RBFOX1: variants seen among roughly 807,000 people sequenced by gnomAD.
RBFOX1 encodes the protein RNA binding fox-1 homolog 1.
RBFOX1 carries 8 observed loss-of-function variants against 57.7 expected under a neutral mutation model. The observed-to-expected ratio is 0.14, with a 90% confidence interval of 0.08 to 0.25. RBFOX1 has a LOEUF of 0.25. RBFOX1 is among the 10% of genes least tolerant of loss of function. RBFOX1 has a pLI of 1.00. For missense variants in RBFOX1, 611 were observed against 548.5 expected (o/e 1.11, Z -1.14); for synonymous variants, 326 against 222.4 (o/e 1.47, Z -4.15).
chr16:7,212,895 A>T (rs576515148), intron 4 of RBFOX1, among the ~76,000 whole-genome samples: 1 of 152,292 alleles, frequency 6.6e-6, no homozygotes, highest in Admixed American at 6.5e-5. Context: ...GGTGTTGATG[A>T]AGGCAATAGT....
intron 4 of RBFOX1, among the ~76,000 whole-genome samples, chr16:7,263,001 G>C (rs1172903529): frequency 6.6e-6 from 1 of 152,206 alleles, no homozygotes; most frequent in Non-Finnish European, 1.5e-5. Flanking sequence ...TGATAGGAAA[G>C]GAGTTTGTGC....
intron 1 of RBFOX1, among the ~76,000 whole-genome samples, chr16:6,252,500 C>A (rs1436251606): frequency 6.6e-6 from 1 of 151,704 alleles, no homozygotes; most frequent in African/African-American, 2.4e-5. Context: ...CTGTTCAGTT[C>A]TGTAATTGAG....
intron 3 of RBFOX1, among the ~76,000 whole-genome samples, chr16:7,047,190 C>G (rs2048282239): frequency 6.6e-6 from 1 of 152,012 alleles, no homozygotes; most frequent in Admixed American, 6.6e-5. Context: ...TTCAGGTATC[C>G]TATTTCCTTT....
chr16:6,216,286 A>C (rs1337733847), intron 1 of RBFOX1, among the ~76,000 whole-genome samples: 1 of 152,138 alleles, frequency 6.6e-6, no homozygotes, highest in Non-Finnish European at 1.5e-5. Flanking sequence ...GTAAAATAAA[A>C]GTATAAAAAC....
intron 4 of RBFOX1, among the ~76,000 whole-genome samples, chr16:5,922,264 C>T (rs945040627): frequency 6.6e-6 from 1 of 152,184 alleles, no homozygotes; most frequent in African/African-American, 2.4e-5. Flanking sequence ...AGGGATCCAT[C>T]CCCATGATTC....
intron 3 of RBFOX1, among the ~76,000 whole-genome samples, chr16:5,613,868 C>G (rs1427494970): frequency 6.6e-6 from 1 of 151,942 alleles, no homozygotes; most frequent in Non-Finnish European, 1.5e-5. Flanking sequence ...ATAGAAGTCC[C>G]TCTTTCTTCT....
chr16:6,305,914 G>A (rs2079455969), intron 1 of RBFOX1, among the ~76,000 whole-genome samples: 1 of 152,056 alleles, frequency 6.6e-6, no homozygotes, highest in Non-Finnish European at 1.5e-5. Context: ...TGGACATGAG[G>A]TAGGTAGGAA....
intron 3 of RBFOX1, among the ~76,000 whole-genome samples, chr16:6,733,604 A>G (rs568533197): frequency 1.3e-5 from 2 of 152,322 alleles, no homozygotes; most frequent in Admixed American, 1.3e-4. Context: ...AGATCCTTAC[A>G]GGAAGTAGCC....
intron 2 of RBFOX1, among the ~76,000 whole-genome samples, chr16:6,610,588 C>T (rs923352689): frequency 5.9e-5 from 9 of 152,108 alleles, no homozygotes; most frequent in Admixed American, 2.0e-4. Flanking sequence ...CCTTAGCCTC[C>T]CGAAATGCTG....
intron 6 of RBFOX1, among the ~76,000 whole-genome samples, chr16:7,580,809 A>G (rs995733116): frequency 2.0e-5 from 3 of 152,202 alleles, no homozygotes; most frequent in African/African-American, 7.2e-5. Flanking sequence ...GATGTAGCCA[A>G]TTTGCCCATG....
intron 1 of RBFOX1, among the ~76,000 whole-genome samples, chr16:6,088,420 C>G (rs1269771325): frequency 2.0e-5 from 3 of 152,118 alleles, no homozygotes. Flanking sequence ...AATTTTCTAG[C>G]TGAATTTTTC....
chr16:7,276,985 C>T (rs558973912), intron 4 of RBFOX1, among the ~76,000 whole-genome samples: 25 of 152,214 alleles, frequency 1.6e-4, no homozygotes, highest in Admixed American at 1.3e-3. Flanking sequence ...TGCAGCAAAT[C>T]GTAGATGGTA....
intron 3 of RBFOX1, among the ~76,000 whole-genome samples, chr16:5,666,808 G>A (rs1051888915): frequency 2.0e-5 from 3 of 152,220 alleles, no homozygotes; most frequent in African/African-American, 4.8e-5. Context: ...TAGTAGAGAT[G>A]TGACTTTTGT....
intron 3 of RBFOX1, among the ~76,000 whole-genome samples, chr16:6,899,211 G>C (rs1319053099): frequency 6.8e-6 from 1 of 147,944 alleles, no homozygotes; most frequent in Non-Finnish European, 1.5e-5. Flanking sequence ...GTGTGTATAT[G>C]TGTGTGTATG....
At chr16:7,662,513 T>G (rs545073290) in intron 12 of RBFOX1, among the ~76,000 whole-genome samples, 1 of 152,278 alleles carries the variant, frequency 6.6e-6, no homozygotes, top group East Asian at 1.9e-4. Flanking sequence ...ATTCACCCAG[T>G]TATTGTCCAT....
chr16:6,983,897 T>C (rs981487271), intron 3 of RBFOX1, among the ~76,000 whole-genome samples: 1 of 152,146 alleles, frequency 6.6e-6, no homozygotes, highest in Non-Finnish European at 1.5e-5. Flanking sequence ...GTTGTGTGAC[T>C]CTTAGCATGT....
intron 4 of RBFOX1, among the ~76,000 whole-genome samples, chr16:7,133,023 A>G (rs2070942345): frequency 1.3e-5 from 2 of 152,216 alleles, no homozygotes; most frequent in Non-Finnish European, 2.9e-5. Context: ...ATAAATAACC[A>G]GAAAATAAAT....
rs190167717 is a variant in RBFOX1, at chr16:6,941,838, C to T, written c.-15-110219C>T. Among the ~76,000 whole-genome samples, 15 of 152,100 alleles carry T rather than the reference C, an allele frequency of 9.9e-5. No individual in the cohort carries two copies. In the South Asian group the frequency reaches 2.3e-3, roughly 23 times the overall value. ...AAGAATGAGCTGCTTTTTTTTCCCC[C>T]TAACTCTTTCCCATCTGGAGTGCAG... is the stretch of plus-strand genomic sequence containing the variant. On this transcript the variant is annotated intron_variant, in intron 3 of 15. Coordinates refer to ENST00000550418, the MANE Select transcript of RBFOX1 (RefSeq NM_018723.4).
intron 3 of RBFOX1, among the ~76,000 whole-genome samples, chr16:5,710,418 A>G (rs2051442644): frequency 6.6e-6 from 1 of 152,148 alleles, no homozygotes; most frequent in South Asian, 2.1e-4. Context: ...AGCCTTGCGC[A>G]GTTGCGGGCC....
Sources: allele counts gnomAD v4.1 joint callset (sites outside exome capture counted in the v4.1 genomes callset), GRCh38; gene constraint gnomAD v4.1.1; transcripts MANE v1.5; gene names NCBI Gene and HGNC (gene_info 2026-07-23, HGNC 2026-07-21).